The following IMMP2L variants were observed in gnomAD, a reference collection of about 807,000 sequenced individuals.
IMMP2L encodes the protein inner mitochondrial membrane peptidase subunit 2.
Under a neutral mutation model 19.3 loss-of-function variants are expected in IMMP2L, and 18 were observed. The observed-to-expected ratio is 0.93, with a 90% CI of 0.64 to 1.38. The LOEUF is 1.38. Among genes scored for constraint, IMMP2L ranks in the 40% most tolerant of loss-of-function variants. The pLI is 0.00. For missense variants in IMMP2L, 233 were observed against 218.2 expected (o/e 1.07, Z -0.43); for synonymous variants, 76 against 73.0 (o/e 1.04, Z -0.21).
At chr7:110,937,662 A>AC in intron 4 of IMMP2L, among the ~76,000 whole-genome samples, 1 of 152,268 alleles carries the variant, frequency 6.6e-6, no homozygotes, top group South Asian at 2.1e-4. Flanking sequence ...GAGAAAGGTC[A>AC]CTTTTTGACT....
At chr7:111,318,005 C>T (rs1824288449) in intron 3 of IMMP2L, among the ~76,000 whole-genome samples, 1 of 152,008 alleles carries the variant, frequency 6.6e-6, no homozygotes, top group South Asian at 2.1e-4. Context: ...TTAATGAGCA[C>T]CAATTATGGT....
chr7:110,791,456 C>T (rs1405911607), intron 5 of IMMP2L, among the ~76,000 whole-genome samples: 1 of 151,624 alleles, frequency 6.6e-6, no homozygotes, highest in Non-Finnish European at 1.5e-5. Flanking sequence ...AGAACTATTA[C>T]TGTGTTATCT....
At chr7:111,231,335 C>T (rs1813695313) in intron 3 of IMMP2L, among the ~76,000 whole-genome samples, 1 of 151,972 alleles carries the variant, frequency 6.6e-6, no homozygotes, top group Non-Finnish European at 1.5e-5. Flanking sequence ...CCCCATCTTG[C>T]ACAACTGTAG....
intron 3 of IMMP2L, among the ~76,000 whole-genome samples, chr7:111,066,555 C>T (rs566403567): frequency 6.6e-6 from 1 of 152,212 alleles, no homozygotes; most frequent in Non-Finnish European, 1.5e-5. Flanking sequence ...AGATGCTTTA[C>T]ATTGGTTATC....
chr7:111,250,543 T>C (rs1815983478), intron 3 of IMMP2L, among the ~76,000 whole-genome samples: 1 of 152,104 alleles, frequency 6.6e-6, no homozygotes, highest in Admixed American at 6.6e-5. Context: ...ATGATACTGG[T>C]ACAAAAACAG....
intron 5 of IMMP2L, among the ~76,000 whole-genome samples, chr7:110,675,572 C>T (rs1792240777): frequency 6.6e-6 from 1 of 152,098 alleles, no homozygotes; most frequent in Non-Finnish European, 1.5e-5. Flanking sequence ...ATGTTTCTTG[C>T]TTAAAGGAAC....
Position 111,399,343 on chromosome 7 carries a change from T to C in IMMP2L, c.239+87895A>G, listed in dbSNP as rs149400156. On this transcript the variant is annotated intron_variant, in intron 3 of 5. Transcript: ENST00000405709. ...AATAAACCCAAATACATACAGCCAA[T>C]TGGTCTTCAACAAAGCAAACAGATT... Among the ~76,000 whole-genome samples, 677 of 151,988 alleles carry C rather than the reference T, an allele frequency of 4.5e-3. 10 individuals carry two copies. Among genetic ancestry groups the C allele is most frequent in the African/African-American group, 0.016 (654 of 41,482 alleles).
intron 3 of IMMP2L, among the ~76,000 whole-genome samples, chr7:111,220,576 TGATGGATGGATGGATGGATGGATG>T (rs34015257): frequency 2.0e-5 from 3 of 148,256 alleles, no homozygotes; most frequent in East Asian, 2.0e-4. Context: ...CAGAGAAACA[TGATGGATGGATGGATGGATGGATG>T]GATGGATGGA....
At chr7:111,320,963 A>C (rs951505180) in intron 3 of IMMP2L, among the ~76,000 whole-genome samples, 1 of 152,068 alleles carries the variant, frequency 6.6e-6, no homozygotes, top group African/African-American at 2.4e-5. Flanking sequence ...ACACTCACTA[A>C]ATGTTTGCTG....
Position 111,493,405 on chromosome 7 carries a change from A to G in IMMP2L, c.136-6064T>C, listed in dbSNP as rs370027922. Among the ~76,000 whole-genome samples the G allele has an allele frequency of 9.2e-5, 14 of 152,290 alleles. No homozygotes were observed. In the East Asian group the frequency reaches 2.5e-3, roughly 27 times the overall value. Reference sequence around the variant, plus strand: ...CTTCACTAAAAACAAAAGCTTTATTAAAAAGAAAAAAAACAGGCCGGGCGC... The same window carrying G: ...CTTCACTAAAAACAAAAGCTTTATTGAAAAGAAAAAAAACAGGCCGGGCGC... On this transcript the variant is annotated intron_variant, in intron 2 of 5. Coordinates refer to ENST00000405709, the MANE Select transcript of IMMP2L (RefSeq NM_032549.4).
chr7:111,320,418 C>A (rs115615082), intron 3 of IMMP2L, among the ~76,000 whole-genome samples: 3,463 of 152,152 alleles, frequency 0.023, 133 homozygotes, highest in African/African-American at 0.079. Flanking sequence ...AATTTCTGAC[C>A]TAGGTGATTT....
chr7:110,769,732 T>A (rs1798914707), intron 5 of IMMP2L, among the ~76,000 whole-genome samples: 1 of 151,852 alleles, frequency 6.6e-6, no homozygotes, highest in Non-Finnish European at 1.5e-5. Context: ...GAAATAAAAG[T>A]TAGTGAAAAA....
intron 3 of IMMP2L, among the ~76,000 whole-genome samples, chr7:111,418,409 T>C (rs1338285151): frequency 6.6e-6 from 1 of 151,774 alleles, no homozygotes; most frequent in African/African-American, 2.4e-5. Context: ...TACTGCAATA[T>C]CAATAACCCA....
intron 1 of IMMP2L, among the ~76,000 whole-genome samples, chr7:111,558,428 T>G (rs1414573750): frequency 6.6e-6 from 1 of 152,204 alleles, no homozygotes; most frequent in Non-Finnish European, 1.5e-5. Flanking sequence ...AACTATTTAC[T>G]GAGAATTTAT....
intron 2 of IMMP2L, among the ~76,000 whole-genome samples, chr7:111,500,435 G>C (rs1844087017): frequency 6.6e-6 from 1 of 152,138 alleles, no homozygotes; most frequent in African/African-American, 2.4e-5. Context: ...AAATGTCCCT[G>C]TCTGACAGCT....
In IMMP2L at chr7:110,868,084, C is replaced by T. The variant is rs148075602; in HGVS notation, c.408+18509G>A. ...CTTCAAAAAGTTTTTATCTGTAGCT[C>T]TTTTTATTCTGAATACCAGGTTCTT... On this transcript the variant is annotated intron_variant, in intron 5 of 5. Transcript: ENST00000405709. 3.8e-3 allele frequency among the ~76,000 whole-genome samples: 554 copies of T among 147,250 alleles called. 1 individual carries two copies. Among genetic ancestry groups the T allele is most frequent in the Non-Finnish European group, 6.6e-3 (445 of 67,212 alleles).
intron 3 of IMMP2L, chr7:111,391,693 C>A: frequency 2.0e-6 from 1 of 509,084 alleles, no homozygotes. Flanking sequence ...TACAGAATGA[C>A]TATCCAAAGA....
At position 110,906,193 on chromosome 7, in the gene IMMP2L, T is replaced by C. The variant is rs532290259; in HGVS notation, c.306-19498A>G. Among the ~76,000 whole-genome samples, 4 of 152,360 alleles carry C rather than the reference T, an allele frequency of 2.6e-5. No individual in the cohort carries two copies. In the South Asian group the frequency reaches 8.3e-4, roughly 32 times the overall value. On this transcript the variant is annotated intron_variant, in intron 4 of 5. Transcript: ENST00000405709. ...CTGTTTTTTTCTTACTCATGTTTCA[T>C]ATATTTAATTACACTAGATTGCTAC...
chr7:111,260,148 GTTAT>G (rs1817163584), intron 3 of IMMP2L, among the ~76,000 whole-genome samples: 1 of 152,122 alleles, frequency 6.6e-6, no homozygotes. Context: ...GCCAGTAACA[GTTAT>G]TTGTTATCAT....
Sources: allele counts gnomAD v4.1 joint callset (sites outside exome capture counted in the v4.1 genomes callset), GRCh38; gene constraint gnomAD v4.1.1; transcripts MANE v1.5; gene names NCBI Gene and HGNC (gene_info 2026-07-23, HGNC 2026-07-21).